The following VPS8 variants were observed in gnomAD, a reference collection of about 807,000 sequenced individuals.
VPS8 encodes vacuolar protein sorting-associated protein 8 homolog.
Under a neutral mutation model 216.4 loss-of-function variants are expected in VPS8, and 129 were observed. The observed-to-expected ratio is 0.60, with a 90% CI of 0.52 to 0.69. The LOEUF is 0.69. Ranked by LOEUF, VPS8 falls within the 30% of genes least tolerant of loss-of-function variation. VPS8 has a pLI of 0.00. For synonymous variants in VPS8, 571 were observed against 565.4 expected, an observed-to-expected ratio of 1.01 and a Z score of -0.14; for missense variants, 1,531 against 1,683.5, an observed-to-expected ratio of 0.91 and a Z score of 1.59.
chr3:184,947,238 T>C (rs2109372527), intron 36 of VPS8, among the ~76,000 whole-genome samples: 1 of 152,296 alleles, frequency 6.6e-6, no homozygotes, highest in African/African-American at 2.4e-5. Context: ...TTCCCCCACA[T>C]TTTCATTGTT....
At chr3:184,858,916 T>C (rs192845972) in intron 14 of VPS8, among the ~76,000 whole-genome samples, 1 of 152,244 alleles carries the variant, frequency 6.6e-6, no homozygotes, top group Admixed American at 6.5e-5. Context: ...TTATCTCCTG[T>C]TACAGTTTTT....
intron 44 of VPS8, among the ~76,000 whole-genome samples, chr3:184,997,949 G>A (rs1282528121): frequency 6.6e-6 from 1 of 150,830 alleles, no homozygotes; most frequent in African/African-American, 2.4e-5. Context: ...AAAGGAAGTG[G>A]CCATGCAACG....
intron 22 of VPS8, among the ~76,000 whole-genome samples, chr3:184,892,854 CT>C (rs1216237609): frequency 6.6e-6 from 1 of 152,072 alleles, no homozygotes; most frequent in African/African-American, 2.4e-5. Flanking sequence ...ATATAATTAT[CT>C]TTTTTAGCAT....
intron 2 of VPS8, among the ~76,000 whole-genome samples, chr3:184,825,913 A>G (rs1718666550): frequency 1.3e-5 from 2 of 152,210 alleles, no homozygotes; most frequent in Non-Finnish European, 2.9e-5. Flanking sequence ...AAAAAAAAAA[A>G]AAGTGTTCTG....
At chr3:184,928,397 T>C in intron 31 of VPS8, 54 bp from the exon 32 acceptor site, 1 of 1,446,002 alleles carries the variant, frequency 6.9e-7, no homozygotes, top group Non-Finnish European at 9.2e-7. Context: ...GAATGCACTC[T>C]TAAAGAGCTA....
intron 32 of VPS8, among the ~76,000 whole-genome samples, chr3:184,928,773 AAT>A (rs1740147323): frequency 6.6e-6 from 1 of 152,174 alleles, no homozygotes; most frequent in African/African-American, 2.4e-5. Flanking sequence ...CATAAAGTGA[AAT>A]AGTCTTATGA....
At chr3:184,914,323 T>C (rs1055221836) in intron 26 of VPS8, among the ~76,000 whole-genome samples, 2 of 152,196 alleles carry the variant, frequency 1.3e-5, no homozygotes, top group African/African-American at 4.8e-5. Context: ...CAGTCTAACA[T>C]TGAAAATTGT....
intron 35 of VPS8, among the ~76,000 whole-genome samples, chr3:184,938,644 T>TC (rs1553877467): frequency 1.4e-5 from 2 of 141,386 alleles, no homozygotes; most frequent in South Asian, 2.1e-4. Flanking sequence ...TTCTTTTCTT[T>TC]TTTTCTTTTT....
intron 25 of VPS8, among the ~76,000 whole-genome samples, chr3:184,911,515 G>A (rs141629770): frequency 6.6e-6 from 1 of 152,328 alleles, no homozygotes; most frequent in African/African-American, 2.4e-5. Flanking sequence ...TCCACAGAGG[G>A]TTTTGAGAAC....
intron 25 of VPS8, among the ~76,000 whole-genome samples, chr3:184,911,946 T>A (rs1350151728): frequency 1.3e-5 from 2 of 152,240 alleles, no homozygotes; most frequent in Non-Finnish European, 2.9e-5. Flanking sequence ...GTGTCCGGCG[T>A]AGTGCCCATA....
intron 18 of VPS8, 66 bp from the exon 19 acceptor site, chr3:184,868,880 A>G (rs1229019243): frequency 7.1e-7 from 1 of 1,417,706 alleles, no homozygotes; most frequent in Non-Finnish European, 9.7e-7. Flanking sequence ...TTTTAGGTGG[A>G]ATAGGAATTC....
At chr3:185,047,930 C>T (rs1713302964) in intron 46 of VPS8, among the ~76,000 whole-genome samples, 1 of 152,134 alleles carries the variant, frequency 6.6e-6, no homozygotes, top group African/African-American at 2.4e-5. Flanking sequence ...TTGGCAGGTC[C>T]CACCACAATA....
chr3:184,999,146 C>T (rs1195578807), intron 44 of VPS8, among the ~76,000 whole-genome samples: 1 of 152,190 alleles, frequency 6.6e-6, no homozygotes, highest in Non-Finnish European at 1.5e-5. Flanking sequence ...CAACCTCCGC[C>T]TCCCGGGTTG....
intron 36 of VPS8, among the ~76,000 whole-genome samples, chr3:184,952,395 G>C (rs1576960287): frequency 6.6e-6 from 1 of 152,190 alleles, no homozygotes; most frequent in Admixed American, 6.5e-5. Context: ...TGGAGTTACT[G>C]TCAGATCCTT....
intron 46 of VPS8, among the ~76,000 whole-genome samples, chr3:185,044,361 T>G (rs1712366372): frequency 6.6e-6 from 1 of 152,118 alleles, no homozygotes; most frequent in East Asian, 1.9e-4. Flanking sequence ...TTTCTTCACC[T>G]GTAAAATAAC....
At chr3:184,855,586 T>A in intron 13 of VPS8, 125 bp from the exon 14 acceptor site, 1 of 778,302 alleles carries the variant, frequency 1.3e-6, no homozygotes, top group South Asian at 1.6e-5. Flanking sequence ...GTTCTTGCTT[T>A]ACTGAGAAAT....
chr3:184,956,953 A>C (rs1745712546), intron 36 of VPS8, among the ~76,000 whole-genome samples: 1 of 152,218 alleles, frequency 6.6e-6, no homozygotes, highest in Admixed American at 6.5e-5. Context: ...TAATTAAAGA[A>C]GTCATTGCAA....
chr3:184,914,279 A>C (rs1389936087), intron 26 of VPS8, among the ~76,000 whole-genome samples: 1 of 152,206 alleles, frequency 6.6e-6, no homozygotes, highest in African/African-American at 2.4e-5. Context: ...CTGTACCTTA[A>C]ACTCTTCAGG....
At chr3:184,950,216 C>CTTTTTTTTTTTTTTTTTTTTTT (rs10700220) in intron 36 of VPS8, among the ~76,000 whole-genome samples, 4 of 39,930 alleles carry the variant, frequency 1.0e-4, no homozygotes, top group South Asian at 2.0e-3. Context: ...CAGTTTTCTG[C>CTTTTTTTTTTTTTTTTTTTTTT]TTTTTTTTTT....
Sources: allele counts gnomAD v4.1 joint callset (sites outside exome capture counted in the v4.1 genomes callset), GRCh38; gene constraint gnomAD v4.1.1; transcripts MANE v1.5; gene names NCBI Gene and HGNC (gene_info 2026-07-23, HGNC 2026-07-21).